PDE3B: variants seen among roughly 807,000 people sequenced by gnomAD.
PDE3B encodes the protein phosphodiesterase 3B.
A neutral mutation model predicts 116.8 loss-of-function variants in PDE3B; 66 were observed. That is an observed-to-expected ratio of 0.56 (90% confidence interval 0.46 to 0.69). PDE3B has a LOEUF of 0.69. PDE3B is among the 30% of genes least tolerant of loss of function. The pLI is 0.00. For missense variants in PDE3B, 1,384 were observed against 1,368.1 expected (o/e 1.01, Z -0.18); for synonymous variants, 595 against 533.6 (o/e 1.12, Z -1.59).
chr11:14,834,145 G>A (rs1328856763), intron 10 of PDE3B, among the ~76,000 whole-genome samples: 4 of 152,138 alleles, frequency 2.6e-5, no homozygotes, highest in Non-Finnish European at 5.9e-5. Context: ...TAAGTTCCCA[G>A]TGTACGCCAT....
intron 1 of PDE3B, among the ~76,000 whole-genome samples, chr11:14,730,744 A>G (rs1856434387): frequency 6.6e-6 from 1 of 152,172 alleles, no homozygotes; most frequent in South Asian, 2.1e-4. Context: ...ATTTCCCTAG[A>G]TATATCCTTA....
chr11:14,878,357 G>A, the PDE3B span: 10 of 1,499,868 alleles, frequency 6.7e-6, no homozygotes, highest in Non-Finnish European at 9.2e-6. Flanking sequence ...CAAAATTAAT[G>A]TCTAATATTT....
chr11:14,804,828 C>G (rs1429979894), intron 5 of PDE3B, among the ~76,000 whole-genome samples: 1 of 151,828 alleles, frequency 6.6e-6, no homozygotes, highest in African/African-American at 2.4e-5. Context: ...AGAACTAGAA[C>G]ACATAGAAAA....
chr11:14,684,995 G>T (rs1854825910), intron 1 of PDE3B, among the ~76,000 whole-genome samples: 1 of 151,860 alleles, frequency 6.6e-6, no homozygotes, highest in Non-Finnish European at 1.5e-5. Context: ...ACACAATAGT[G>T]GTCCTGAGGT....
chr11:14,873,349 T>C (rs960793481), downstream of PDE3B, among the ~76,000 whole-genome samples: 2 of 152,196 alleles, frequency 1.3e-5, no homozygotes, highest in Admixed American at 1.3e-4. Context: ...TAATTTGTTG[T>C]TAATTTTGTC....
intron 1 of PDE3B, among the ~76,000 whole-genome samples, chr11:14,761,846 C>T (rs1857367526): frequency 6.6e-6 from 1 of 151,910 alleles, no homozygotes; most frequent in Non-Finnish European, 1.5e-5. Flanking sequence ...TAATAAAAAT[C>T]CCAAATAAAA....
chr11:14,778,260 G>T (rs774994876), intron 2 of PDE3B, among the ~76,000 whole-genome samples: 1 of 152,128 alleles, frequency 6.6e-6, no homozygotes, highest in Non-Finnish European at 1.5e-5. Flanking sequence ...CTGAACGAAA[G>T]GCAGCAAAAA....
chr11:14,746,582 G>T (rs1457337040), intron 1 of PDE3B, among the ~76,000 whole-genome samples: 1 of 152,140 alleles, frequency 6.6e-6, no homozygotes, highest in African/African-American at 2.4e-5. Flanking sequence ...TGTTTTAAAA[G>T]CTGAGGATAT....
chr11:14,803,796 G>T (rs1590158521), intron 4 of PDE3B, 148 bp from the exon 5 acceptor site: 1 of 580,510 alleles, frequency 1.7e-6, no homozygotes, highest in Non-Finnish European at 3.1e-6. Flanking sequence ...GAAAAAGTTT[G>T]CTGACTCCTG....
the PDE3B span, chr11:14,891,375 T>A: frequency 1.0e-6 from 1 of 985,684 alleles, no homozygotes; most frequent in Non-Finnish European, 1.2e-6. Flanking sequence ...ATCTGCGCTG[T>A]AGGACCCCCG....
At position 14,644,831 on chromosome 11, in the gene PDE3B, G is replaced by C; in HGVS notation, c.756G>C (p.Val252=). ...TCAGGCCGCTGCTCTCCGGCCTGGT[G>C]GGGGGCGCTGGCTGCCTGCTGGCCC... ...SALRPLLSGL[V]GGAGCLLALG... The change falls in exon 1 of 16, where the codon GTG becomes GTC. Residue 252 remains valine, a synonymous_variant. Coordinates refer to ENST00000282096, the MANE Select transcript of PDE3B (RefSeq NM_000922.4). 3 of 1,611,820 alleles carry C rather than the reference G, an allele frequency of 1.9e-6. No homozygotes were observed. The highest frequency in any genetic ancestry group is 2.5e-6 in the Non-Finnish European group (3 of 1,178,858).
At chr11:14,772,287 G>T (rs954273460) in intron 2 of PDE3B, 1 of 168,550 alleles carries the variant, frequency 5.9e-6, no homozygotes, top group Non-Finnish European at 1.3e-5. Flanking sequence ...TTAAGGATAA[G>T]ATTTTTTTCT....
At chr11:14,892,044 G>A in the PDE3B span, 16 of 1,613,074 alleles carry the variant, frequency 9.9e-6, no homozygotes, top group Admixed American at 2.3e-4. Context: ...AGGCTGCCAG[G>A]GAATAGATGT....
intron 1 of PDE3B, among the ~76,000 whole-genome samples, chr11:14,766,624 G>A (rs1401240872): frequency 6.6e-6 from 1 of 151,168 alleles, no homozygotes; most frequent in African/African-American, 2.4e-5. Context: ...ATTGAACTCA[G>A]CATAATGTAT....
intron 1 of PDE3B, among the ~76,000 whole-genome samples, chr11:14,670,182 T>A (rs1319392695): frequency 1.3e-5 from 2 of 152,158 alleles, no homozygotes; most frequent in African/African-American, 4.8e-5. Context: ...TTGCACCATC[T>A]GTGTTTAATT....
intron 1 of PDE3B, among the ~76,000 whole-genome samples, chr11:14,714,621 C>T (rs980219925): frequency 3.3e-5 from 5 of 151,652 alleles, no homozygotes; most frequent in Non-Finnish European, 7.4e-5. Context: ...CCATCCATTT[C>T]CTGGGATGAC....
chr11:14,883,307 A>T, the PDE3B span, among the ~76,000 whole-genome samples: 1 of 152,038 alleles, frequency 6.6e-6, no homozygotes, highest in Non-Finnish European at 1.5e-5. Context: ...CACTAACCAA[A>T]ACAGCATGGT....
At chr11:14,841,201 C>T (rs894635041) in intron 11 of PDE3B, among the ~76,000 whole-genome samples, 5 of 151,734 alleles carry the variant, frequency 3.3e-5, no homozygotes, top group Non-Finnish European at 5.9e-5. Flanking sequence ...CAGTAGACAG[C>T]CTTCAGACTT....
At chr11:14,739,609 G>T (rs771013995) in intron 1 of PDE3B, among the ~76,000 whole-genome samples, 2 of 152,146 alleles carry the variant, frequency 1.3e-5, no homozygotes, top group Non-Finnish European at 2.9e-5. Flanking sequence ...TCTCTTGCGT[G>T]ATTGCCCTGG....
Sources: gnomAD v4.1 joint callset for allele counts (sites outside exome capture counted in the v4.1 genomes callset) on GRCh38, gnomAD v4.1.1 for gene constraint, MANE v1.5 for transcripts, NCBI Gene and HGNC (gene_info 2026-07-23, HGNC 2026-07-21) for gene names.